SLC29A1: variants seen among roughly 807,000 people sequenced by gnomAD.
SLC29A1 encodes solute carrier family 29 member 1 (Augustine blood group), also known as equilibrative nucleoside transporter 1.
SLC29A1 carries 22 observed loss-of-function variants against 48.3 expected under a neutral mutation model. The ratio of observed to expected loss-of-function variants is 0.46; its 90% CI spans 0.33 to 0.65. SLC29A1 has a LOEUF of 0.65. Among genes scored for constraint, SLC29A1 ranks in the 30% least tolerant of loss-of-function variants. SLC29A1 has a pLI of 0.03. For synonymous variants in SLC29A1, 228 were observed against 231.0 expected, an observed-to-expected ratio of 0.99 and a Z score of 0.12; for missense variants, 491 against 575.3, an observed-to-expected ratio of 0.85 and a Z score of 1.50.
At chr6:44,223,408 C>T, upstream of SLC29A1, 1 of 366,734 alleles carries the variant, frequency 2.7e-6, no homozygotes, top group Non-Finnish European at 3.8e-6. This position sits in a 1 kb window ranked among gnomAD's most constrained non-coding sequence, Gnocchi z 5.0. Context: ...CGCAATAACA[C>T]GACCAGGCGG....
At chr6:44,227,969 A>G (rs1777948169) in intron 2 of SLC29A1, among the ~76,000 whole-genome samples, 1 of 152,054 alleles carries the variant, frequency 6.6e-6, no homozygotes, top group African/African-American at 2.4e-5. Context: ...CGTCTGCCCT[A>G]CCCACCCCAT....
At chr6:44,228,760 AGATGGCCTCCAGTGGC>A (rs1778156027) in intron 2 of SLC29A1, among the ~76,000 whole-genome samples, 1 of 152,200 alleles carries the variant, frequency 6.6e-6, no homozygotes, top group African/African-American at 2.4e-5. Context: ...CCTGAGGCCC[AGATGGCCTCCAGTGGC>A]CCCATACCTC....
chr6:44,223,520 T>A (rs1313517333), upstream of SLC29A1: 3 of 1,041,116 alleles, frequency 2.9e-6, no homozygotes, highest in Non-Finnish European at 3.5e-6. The surrounding 1 kb of genome is among the most constrained non-coding windows in gnomAD (Gnocchi z 5.0). Flanking sequence ...GTCGGGGAGG[T>A]GGCAGTGGGC....
At chr6:44,222,483 T>C (rs2128336961), upstream of SLC29A1, among the ~76,000 whole-genome samples, 1 of 152,212 alleles carries the variant, frequency 6.6e-6, no homozygotes, top group East Asian at 1.9e-4. Context: ...TTAATCAGTG[T>C]CTGTGGCTTC....
chr6:44,224,826 G>A (rs912491259), intron 1 of SLC29A1, among the ~76,000 whole-genome samples: 1 of 152,214 alleles, frequency 6.6e-6, no homozygotes, highest in African/African-American at 2.4e-5. Flanking sequence ...AGGGACACCA[G>A]ATGCTCTGAG....
rs1561888798 is a variant in SLC29A1 at position 44,233,001 on chromosome 6, G to A, written c.1254G>A (p.Gly418=). 2.5e-6 allele frequency: 4 copies of A among 1,612,304 alleles called. No individual in the cohort carries two copies. Among genetic ancestry groups the A allele is most frequent in the Non-Finnish European group, 3.4e-6 (4 of 1,180,032 alleles). The change falls in exon 12 of 13, where the codon GGG becomes GGA. Residue 418 remains glycine, a synonymous_variant. Coordinates refer to ENST00000371755, the MANE Select transcript of SLC29A1 (RefSeq NM_001372327.1). Reference sequence around the variant, plus strand: ...TCGCCAGCCTCTGCATGTGCTTCGGGCCCAAGTGAGTAGGGCTGGCAGGGA... The same window carrying A: ...TCGCCAGCCTCTGCATGTGCTTCGGACCCAAGTGAGTAGGGCTGGCAGGGA... The part of the protein sequence containing the change: ...GYLASLCMCF[G]PKKVKPAEAE...
chr6:44,231,960 GAC>G (rs1184525285), intron 9 of SLC29A1, 36 bp from the exon 10 acceptor site: 18 of 1,444,368 alleles, frequency 1.2e-5, no homozygotes, highest in Non-Finnish European at 1.7e-5. Flanking sequence ...CCACCATGAA[GAC>G]ACAGGCATTT....
upstream of SLC29A1, among the ~76,000 whole-genome samples, chr6:44,220,344 ATTTTTT>A (rs3997542): frequency 1.0e-4 from 13 of 126,498 alleles, no homozygotes; most frequent in African/African-American, 3.9e-4. Flanking sequence ...TGCTCAGCTA[ATTTTTT>A]TTTTTTTTTT....
Position 44,229,581 on chromosome 6 carries a change from C to G in SLC29A1, c.112-8C>G. 1 of 1,613,902 alleles carries G rather than the reference C, an allele frequency of 6.2e-7. No individual in the cohort carries two copies. On this transcript the variant is annotated splice_polypyrimidine_tract_variant and splice_region_variant and intron_variant, in intron 3 of 12. Coordinates refer to ENST00000371755, the MANE Select transcript of SLC29A1 (RefSeq NM_001372327.1). This position sits in a 1 kb window ranked among gnomAD's most constrained non-coding sequence, Gnocchi z 5.1. ...AGATTTCAACACTCCTCTCTGCAAC[C>G]CCTGCAGTATTTCACAAACCGCCTG...
At position 44,231,481 on chromosome 6, in the gene SLC29A1, C is replaced by G; in HGVS notation, c.864+20C>G. On this transcript the variant is annotated intron_variant, in intron 9 of 12. Transcript: ENST00000371755. Reference sequence around the variant, plus strand: ...AAAAATGTACGTAGGGGAGGTTATCCTATCTTCTACCCCTTGTCCTCTTTC... The same window carrying G: ...AAAAATGTACGTAGGGGAGGTTATCGTATCTTCTACCCCTTGTCCTCTTTC... 2.1e-6 allele frequency: 3 copies of G among 1,448,316 alleles called. No individual in the cohort carries two copies. Among genetic ancestry groups the G allele is most frequent in the Non-Finnish European group, 2.9e-6 (3 of 1,036,310 alleles). The allele number at this position is 1,448,316 out of a possible 1,614,324, so 89.7% of individuals were successfully genotyped here.
rs1435424087 is a variant in SLC29A1 at position 44,233,854 on chromosome 6, G to A, written c.*326G>A. 1 of 344,694 alleles carries A rather than the reference G, an allele frequency of 2.9e-6. No individual in the cohort carries two copies. The highest frequency in any genetic ancestry group is 2.1e-5 in the African/African-American group (1 of 47,730). 21.4% of individuals were successfully genotyped at this position (344,694 alleles called of 1,614,324 possible). On this transcript the variant is annotated 3_prime_UTR_variant, in exon 13 of 13. Transcript: ENST00000371755. ...GCTTGGAGAACACGTGTGTCTCTGT[G>A]TATGTGTCTGTGTGTCTGCGTCCGT...
chr6:44,223,604 G>T lies in SLC29A1; in HGVS notation c.-89G>T. On this transcript the variant is annotated 5_prime_UTR_variant, in exon 1 of 13. Coordinates refer to ENST00000371755, the MANE Select transcript of SLC29A1 (RefSeq NM_001372327.1). This position sits in a 1 kb window ranked among gnomAD's most constrained non-coding sequence, Gnocchi z 5.0. Reference sequence around the variant, plus strand: ...GGGAGAGGGAAGCTGCAGCGAGAGCGCGCGGATCTCAGCGCGGGAGCAGTG... The same window carrying T: ...GGGAGAGGGAAGCTGCAGCGAGAGCTCGCGGATCTCAGCGCGGGAGCAGTG... The T allele has an allele frequency of 8.2e-7, 1 of 1,216,002 alleles. No individual in the cohort carries two copies. The highest frequency in any genetic ancestry group is 1.0e-6 in the Non-Finnish European group (1 of 952,922). The allele number at this position is 1,216,002 out of a possible 1,614,324, so 75.3% of individuals were successfully genotyped here. A position where few individuals can be genotyped will look rare whatever the true frequency, so the allele number is the denominator to read the frequency against.
chr6:44,230,748 G>T (rs1279966993), intron 7 of SLC29A1, 63 bp from the exon 8 acceptor site: 1 of 1,580,394 alleles, frequency 6.3e-7, no homozygotes, highest in Non-Finnish European at 8.7e-7. Flanking sequence ...AAAACCTGAA[G>T]GAGGCCGGGA....
At chr6:44,222,277 G>A (rs1776530786), upstream of SLC29A1, among the ~76,000 whole-genome samples, 1 of 151,410 alleles carries the variant, frequency 6.6e-6, no homozygotes, top group Admixed American at 6.6e-5. Flanking sequence ...GTGGGGTGGG[G>A]GAGGGTTGGG....
chr6:44,227,417 T>TG, intron 2 of SLC29A1, 75 bp downstream of exon 2: 1 of 1,350,456 alleles, frequency 7.4e-7, no homozygotes, highest in South Asian at 1.2e-5. Context: ...CCTTTGGAAT[T>TG]GGGGGTTGCC....
chr6:44,222,717 C>A (rs1186813238), upstream of SLC29A1, among the ~76,000 whole-genome samples: 3 of 152,190 alleles, frequency 2.0e-5, no homozygotes, highest in Admixed American at 6.5e-5. Context: ...CACGCCCACA[C>A]CTTCCTCCTT....
At chr6:44,228,310 C>T (rs964421155) in intron 2 of SLC29A1, among the ~76,000 whole-genome samples, 1 of 152,228 alleles carries the variant, frequency 6.6e-6, no homozygotes, top group Non-Finnish European at 1.5e-5. Context: ...GTACTCCCCC[C>T]AACCCCGATC....
chr6:44,225,686 A>C (rs1343195564), intron 1 of SLC29A1: 1 of 152,122 alleles, frequency 6.6e-6, no homozygotes. Flanking sequence ...CGAAGGCCTG[A>C]ATGGAGGAAT....
In SLC29A1 at chr6:44,233,514, C is replaced by T. The variant is rs751247652; in HGVS notation, c.1357C>T (p.Arg453Trp). The change falls in exon 13 of 13, where the codon CGG becomes TGG. Residue 453 changes from arginine to tryptophan, a missense_variant. Coordinates refer to ENST00000371755, the MANE Select transcript of SLC29A1 (RefSeq NM_001372327.1). ...GGGGGCTGTTTTCTCCTTCCTGTTCCGGGCAATTGTGTGACAAAGGATGGA... is the reference window on the plus strand; with the variant it reads ...GGGGGCTGTTTTCTCCTTCCTGTTCTGGGCAATTGTGTGACAAAGGATGGA... ...ALGAVFSFLF[R>W]AIV is the part of the protein sequence containing the mutation. 1.1e-5 allele frequency: 17 copies of T among 1,613,504 alleles called. No individual in the cohort carries two copies. In the East Asian group the frequency reaches 1.1e-4, roughly 11 times the overall value.
Sources: allele counts gnomAD v4.1 joint callset (sites outside exome capture counted in the v4.1 genomes callset), GRCh38; gene constraint gnomAD v4.1.1; non-coding constraint Gnocchi (gnomAD v3.1); transcripts MANE v1.5; gene names NCBI Gene and HGNC (gene_info 2026-07-23, HGNC 2026-07-21).